IL1RAPL2: variants seen among roughly 807,000 people sequenced by gnomAD.
IL1RAPL2 encodes X-linked interleukin-1 receptor accessory protein-like 2.
In IL1RAPL2, 3 loss-of-function variants were observed where a neutral mutation model predicts 44.1. The ratio of observed to expected loss-of-function variants is 0.07; its 90% CI spans 0.03 to 0.18. The LOEUF (loss-of-function observed/expected upper bound fraction) is 0.18, where lower values mean the gene tolerates loss of function less well. Ranked by LOEUF, IL1RAPL2 falls within the 10% of genes least tolerant of loss-of-function variation. The pLI, the probability that IL1RAPL2 is intolerant of heterozygous loss-of-function variation, is 1.00. For synonymous variants in IL1RAPL2, 181 were observed against 178.8 expected, an observed-to-expected ratio of 1.01 and a Z score of -0.10; for missense variants, 391 against 496.4, an observed-to-expected ratio of 0.79 and a Z score of 2.02.
chrX:105,635,987 T>C (rs2037520508), intron 6 of IL1RAPL2, among the ~76,000 whole-genome samples: 1 of 110,022 alleles, frequency 9.1e-6, no homozygotes, highest in Admixed American at 9.7e-5. Context: ...TTAGAGGGAG[T>C]GGCAAAGAAA....
At chrX:105,319,750 A>G (rs1404775802) in intron 5 of IL1RAPL2, among the ~76,000 whole-genome samples, 2 of 111,877 alleles carry the variant, frequency 1.8e-5, no homozygotes, top group Admixed American at 9.5e-5. Context: ...ATGTCAGTAC[A>G]TCACAAATAA....
chrX:104,718,075 G>A (rs1243029590), intron 2 of IL1RAPL2, among the ~76,000 whole-genome samples: 1 of 111,182 alleles, frequency 9.0e-6, no homozygotes, highest in Non-Finnish European at 1.9e-5. Context: ...ATGTGTGCAT[G>A]TGTCTTTATA....
At chrX:105,041,691 A>C (rs1174281685) in intron 2 of IL1RAPL2, among the ~76,000 whole-genome samples, 3 of 108,916 alleles carry the variant, frequency 2.8e-5, no homozygotes, top group Non-Finnish European at 5.7e-5. Context: ...CCATCAAGCT[A>C]CCAATGACTT....
intron 5 of IL1RAPL2, among the ~76,000 whole-genome samples, chrX:105,352,563 C>T (rs1450144900): frequency 9.1e-6 from 1 of 110,291 alleles, no homozygotes; most frequent in African/African-American, 3.3e-5. Context: ...TAAAAGTGTT[C>T]CTATTTCTCC....
intron 2 of IL1RAPL2, among the ~76,000 whole-genome samples, chrX:105,102,765 T>C (rs938476706): frequency 2.7e-5 from 3 of 111,882 alleles, no homozygotes; most frequent in African/African-American, 9.8e-5. Flanking sequence ...AATAGGCTAT[T>C]GCAATAACCC....
intron 2 of IL1RAPL2, among the ~76,000 whole-genome samples, chrX:104,668,854 G>A (rs777555489): frequency 2.7e-5 from 3 of 110,235 alleles, no homozygotes; most frequent in South Asian, 3.9e-4. Context: ...AGTGTGATTG[G>A]TCTAATCTTT....
intron 5 of IL1RAPL2, among the ~76,000 whole-genome samples, chrX:105,301,100 A>G (rs902496187): frequency 1.8e-5 from 2 of 111,838 alleles, no homozygotes; most frequent in Non-Finnish European, 3.8e-5. Flanking sequence ...TTCTTTTGAA[A>G]CATAATTTTT....
chrX:105,045,268 T>A (rs905735687), intron 2 of IL1RAPL2, among the ~76,000 whole-genome samples: 1 of 111,890 alleles, frequency 8.9e-6, no homozygotes, highest in African/African-American at 3.2e-5. Context: ...TGAACTGATT[T>A]AACCAACTAT....
At chrX:105,031,305 C>T (rs1217466328) in intron 2 of IL1RAPL2, among the ~76,000 whole-genome samples, 1 of 107,827 alleles carries the variant, frequency 9.3e-6, no homozygotes, top group Non-Finnish European at 1.9e-5. Context: ...TGAGAGAGGG[C>T]ATCCCTGTCT....
chrX:105,528,708 T>C (rs1025287286), intron 6 of IL1RAPL2, among the ~76,000 whole-genome samples: 19 of 111,131 alleles, frequency 1.7e-4, no homozygotes, highest in African/African-American at 5.9e-4. Context: ...CCTAAATTAG[T>C]TAGCATGTGT....
intron 6 of IL1RAPL2, among the ~76,000 whole-genome samples, chrX:105,618,176 G>T (rs2037391839): frequency 9.4e-6 from 1 of 106,914 alleles, no homozygotes; most frequent in Non-Finnish European, 1.9e-5. Flanking sequence ...ACACCCTTAG[G>T]CAGAAAGAAC....
At chrX:105,043,033 A>G (rs1407025413) in intron 2 of IL1RAPL2, among the ~76,000 whole-genome samples, 1 of 89,498 alleles carries the variant, frequency 1.1e-5, no homozygotes, top group African/African-American at 4.3e-5. Context: ...AACAATGAGA[A>G]CACATGGACA....
chrX:104,733,233 C>A (rs779051330), intron 2 of IL1RAPL2, among the ~76,000 whole-genome samples: 1 of 111,286 alleles, frequency 9.0e-6, no homozygotes, highest in Non-Finnish European at 1.9e-5. Flanking sequence ...GAAAGTTATG[C>A]GTATTGGAAA....
At chrX:104,891,663 G>A (rs1923444131) in intron 2 of IL1RAPL2, among the ~76,000 whole-genome samples, 1 of 112,332 alleles carries the variant, frequency 8.9e-6, no homozygotes, top group African/African-American at 3.2e-5. Context: ...AGACTTTGCT[G>A]AAGTTGCTTA....
At chrX:105,421,539 C>A (rs5962282) in intron 5 of IL1RAPL2, among the ~76,000 whole-genome samples, 3,325 of 110,992 alleles carry the variant, frequency 0.03, 129 homozygotes, top group African/African-American at 0.1. Context: ...ATGGTTTATT[C>A]CTAGATGGGT....
intron 2 of IL1RAPL2, among the ~76,000 whole-genome samples, chrX:104,725,381 T>C (rs1016118485): frequency 8.9e-6 from 1 of 111,771 alleles, no homozygotes; most frequent in African/African-American, 3.3e-5. Context: ...CGTTTTATAA[T>C]CCTTTGGGTA....
intron 2 of IL1RAPL2, among the ~76,000 whole-genome samples, chrX:104,676,035 G>T (rs372074696): frequency 2.2e-4 from 24 of 107,525 alleles, no homozygotes; most frequent in Admixed American, 5.0e-4. Flanking sequence ...CACACTGATG[G>T]GTCTTGACTC....
At chrX:105,367,573 C>A (rs1462724532) in intron 5 of IL1RAPL2, among the ~76,000 whole-genome samples, 1 of 111,618 alleles carries the variant, frequency 9.0e-6, no homozygotes, top group Non-Finnish European at 1.9e-5. Flanking sequence ...ACATGTTATA[C>A]TAATAACAGA....
chrX:104,852,030 T>A (rs1321666603), intron 2 of IL1RAPL2, among the ~76,000 whole-genome samples: 2 of 111,519 alleles, frequency 1.8e-5, no homozygotes, highest in Non-Finnish European at 3.8e-5. Flanking sequence ...ACATTGGGGA[T>A]CAAATTTCAA....
Sources: allele counts gnomAD v4.1 joint callset (sites outside exome capture counted in the v4.1 genomes callset), GRCh38; gene constraint gnomAD v4.1.1; transcripts MANE v1.5; gene names NCBI Gene and HGNC (gene_info 2026-07-23, HGNC 2026-07-21).